EBF1: variants seen among roughly 807,000 people sequenced by gnomAD.
The protein encoded by EBF1 is transcription factor COE1.
A neutral mutation model predicts 68.4 loss-of-function variants in EBF1; 10 were observed. The observed-to-expected ratio is 0.15, with a 90% CI of 0.09 to 0.25. The LOEUF (loss-of-function observed/expected upper bound fraction) is 0.25, where lower values mean the gene tolerates loss of function less well. EBF1 is among the 10% of genes least tolerant of loss of function. The pLI is 1.00. For missense variants in EBF1, 509 were observed against 794.4 expected (o/e 0.64, Z 4.32); for synonymous variants, 298 against 299.8 (o/e 0.99, Z 0.06).
chr5:159,024,028 G>T (rs950146388), intron 6 of EBF1, among the ~76,000 whole-genome samples: 1 of 152,134 alleles, frequency 6.6e-6, no homozygotes, highest in African/African-American at 2.4e-5. Context: ...AAGAGAAATT[G>T]TCAGTGAAAA....
chr5:158,912,897 G>A (rs1433148163), intron 6 of EBF1, among the ~76,000 whole-genome samples: 6 of 152,154 alleles, frequency 3.9e-5, no homozygotes, highest in Non-Finnish European at 5.9e-5. Flanking sequence ...GATGCTGACC[G>A]CAAAGGCAAT....
chr5:158,888,255 C>T (rs1257958684), intron 6 of EBF1, among the ~76,000 whole-genome samples: 3 of 150,670 alleles, frequency 2.0e-5, no homozygotes, highest in Non-Finnish European at 3.0e-5. Context: ...ATTTTTTATT[C>T]GTGTGTGTGT....
chr5:158,776,268 C>T (rs1411555957), intron 10 of EBF1, among the ~76,000 whole-genome samples: 3 of 151,922 alleles, frequency 2.0e-5, no homozygotes, highest in Non-Finnish European at 4.4e-5. Flanking sequence ...GGCTGGGAGG[C>T]ATTTCCAAGG....
intron 8 of EBF1, among the ~76,000 whole-genome samples, chr5:158,814,051 A>T (rs1017681344): frequency 6.6e-6 from 1 of 152,230 alleles, no homozygotes; most frequent in Non-Finnish European, 1.5e-5. Context: ...AAAAAAAATT[A>T]GGCTTAAAAA....
At chr5:158,876,834 A>C (rs1262410743) in intron 6 of EBF1, among the ~76,000 whole-genome samples, 1 of 152,122 alleles carries the variant, frequency 6.6e-6, no homozygotes, top group Non-Finnish European at 1.5e-5. Context: ...AAATAGCATG[A>C]TTCTCTCCCT....
intron 6 of EBF1, among the ~76,000 whole-genome samples, chr5:158,840,673 G>GTTTTTTTTTTT (rs1554157163): frequency 1.5e-5 from 1 of 68,912 alleles, no homozygotes; most frequent in Non-Finnish European, 2.7e-5. Context: ...TTTTTTTTTT[G>GTTTTTTTTTTT]TTTTTTTTTT....
At chr5:158,854,442 AG>A (rs1793572797) in intron 6 of EBF1, among the ~76,000 whole-genome samples, 1 of 152,174 alleles carries the variant, frequency 6.6e-6, no homozygotes, top group Non-Finnish European at 1.5e-5. Context: ...GGTTGGGTGA[AG>A]GGAGAAGTTG....
chr5:158,820,704 T>A (rs1784654079), intron 8 of EBF1, among the ~76,000 whole-genome samples: 1 of 152,190 alleles, frequency 6.6e-6, no homozygotes, highest in Non-Finnish European at 1.5e-5. Flanking sequence ...AATGTCACCA[T>A]TTTTTGAAAA....
chr5:158,921,801 G>T (rs1290965696), intron 6 of EBF1, among the ~76,000 whole-genome samples: 1 of 152,220 alleles, frequency 6.6e-6, no homozygotes, highest in Non-Finnish European at 1.5e-5. Context: ...GCACAGCAAA[G>T]TTAACCCTCT....
intron 6 of EBF1, among the ~76,000 whole-genome samples, chr5:158,857,831 T>C (rs984765385): frequency 1.3e-5 from 2 of 152,194 alleles, no homozygotes; most frequent in Non-Finnish European, 2.9e-5. Context: ...AGAATTAGAG[T>C]ACTTTATTAT....
chr5:158,924,257 G>T (rs1809085448), intron 6 of EBF1, among the ~76,000 whole-genome samples: 1 of 152,208 alleles, frequency 6.6e-6, no homozygotes, highest in Non-Finnish European at 1.5e-5. Flanking sequence ...CGCTGTGAAA[G>T]CTCACTACCT....
chr5:158,697,675 G>A lies in EBF1; in HGVS notation c.*1436C>T, dbSNP rs1262507123. On this transcript the variant is annotated 3_prime_UTR_variant, in exon 16 of 16. Transcript: ENST00000313708. ...GCTTTTTTTCTTTGCAAAATACGCA[G>A]TAAAATCTTTTTGTGATATTGAAAA... 1.5e-5 allele frequency: 3 copies of A among 201,516 alleles called. No individual in the cohort carries two copies. The highest frequency in any genetic ancestry group is 3.1e-5 in the Non-Finnish European group (3 of 98,150). 12.5% of individuals were successfully genotyped at this position (201,516 alleles called of 1,614,324 possible).
chr5:158,945,842 T>C (rs1443478926), intron 6 of EBF1, among the ~76,000 whole-genome samples: 1 of 152,200 alleles, frequency 6.6e-6, no homozygotes, highest in Non-Finnish European at 1.5e-5. Context: ...TTTGGTCTTT[T>C]CACATAGTCT....
intron 8 of EBF1, among the ~76,000 whole-genome samples, chr5:158,808,588 A>AG (rs1016757875): frequency 6.6e-6 from 1 of 152,108 alleles, no homozygotes; most frequent in Non-Finnish European, 1.5e-5. Flanking sequence ...TGAAATCCTC[A>AG]GTTTCTACCA....
Position 158,840,670 on chromosome 5 carries a change from TTTG to T in EBF1, c.555-563_555-561del, listed in dbSNP as rs1554157092. ...GTTTTTTTTTTTTTTTTTTTTTTTTTTTGTTTTTTTTTTTTTTTTGAGACGGAG... is the reference window on the plus strand; with the variant it reads ...GTTTTTTTTTTTTTTTTTTTTTTTTTTTTTTTTTTTTTTTTTGAGACGGAG... On this transcript the variant is annotated intron_variant, in intron 6 of 15. Transcript: ENST00000313708. Among the ~76,000 whole-genome samples, 119 of 76,554 alleles carry T rather than the reference TTTG, an allele frequency of 1.6e-3. 9 individuals carry two copies. Among genetic ancestry groups the T allele is most frequent in the South Asian group, 2.2e-3 (3 of 1,392 alleles). 50.2% of individuals were successfully genotyped at this position (76,554 alleles called of 152,430 possible). A position where few individuals can be genotyped will look rare whatever the true frequency, so the allele number is the denominator to read the frequency against.
chr5:159,072,996 A>G (rs1335607019), intron 6 of EBF1, among the ~76,000 whole-genome samples: 1 of 151,914 alleles, frequency 6.6e-6, no homozygotes, highest in African/African-American at 2.4e-5. Context: ...CAACAGAACT[A>G]CTGTAGCTAA....
intron 6 of EBF1, among the ~76,000 whole-genome samples, chr5:158,966,997 C>T (rs1362302679): frequency 6.6e-6 from 1 of 151,882 alleles, no homozygotes; most frequent in Non-Finnish European, 1.5e-5. Flanking sequence ...TTAATATGCT[C>T]AGGGTAACCC....
intron 10 of EBF1, among the ~76,000 whole-genome samples, chr5:158,746,058 C>T (rs1460872612): frequency 6.6e-6 from 1 of 152,166 alleles, no homozygotes; most frequent in Non-Finnish European, 1.5e-5. Flanking sequence ...TTTATTACTA[C>T]TGCTTTGGGT....
intron 6 of EBF1, among the ~76,000 whole-genome samples, chr5:159,038,460 A>T (rs962684280): frequency 6.6e-6 from 1 of 152,220 alleles, no homozygotes; most frequent in African/African-American, 2.4e-5. Context: ...CGGTCAAAAC[A>T]ACTTAAAAAA....
Sources: gnomAD v4.1 joint callset for allele counts (sites outside exome capture counted in the v4.1 genomes callset) on GRCh38, gnomAD v4.1.1 for gene constraint, MANE v1.5 for transcripts, NCBI Gene and HGNC (gene_info 2026-07-23, HGNC 2026-07-21) for gene names.